The following KATNIP variants were observed in gnomAD, a reference collection of about 807,000 sequenced individuals.
KATNIP encodes katanin-interacting protein.
In KATNIP, 126 loss-of-function variants were observed where a neutral mutation model predicts 174.0. That is an observed-to-expected ratio of 0.72 (90% CI 0.63 to 0.84). The LOEUF (loss-of-function observed/expected upper bound fraction) is 0.84. Among genes scored for constraint, KATNIP ranks in the 40% least tolerant of loss-of-function variants. The pLI is 0.00. For missense variants in KATNIP, 1,958 were observed against 2,109.7 expected (o/e 0.93, Z 1.41); for synonymous variants, 810 against 835.7 (o/e 0.97, Z 0.53).
chr16:27,593,396 G>A (rs199529974), intron 2 of KATNIP, among the ~76,000 whole-genome samples: 18 of 151,518 alleles, frequency 1.2e-4, no homozygotes, highest in East Asian at 7.8e-4. Context: ...GCACCACCAC[G>A]CCCAACTAAT....
rs146588355 is a variant in KATNIP at position 27,709,390 on chromosome 16, G to T, written c.1605+470G>T. On this transcript the variant is annotated intron_variant, in intron 13 of 27. Transcript: ENST00000261588. ...TAATCCCAGCACTTTGAGAGGCCGA[G>T]GCGAGTGGATCACTTGAAGTCAGGA... Among the ~76,000 whole-genome samples, 1,018 of 151,724 alleles carry T rather than the reference G, an allele frequency of 6.7e-3. 6 individuals are homozygous for T. The highest frequency in any genetic ancestry group is 0.023 in the African/African-American group (962 of 41,360).
At chr16:27,697,024 C>T (rs1037602994) in intron 8 of KATNIP, among the ~76,000 whole-genome samples, 1 of 152,138 alleles carries the variant, frequency 6.6e-6, no homozygotes, top group Non-Finnish European at 1.5e-5. Context: ...CCACCACACC[C>T]GGCCTCCACA....
intron 2 of KATNIP, among the ~76,000 whole-genome samples, chr16:27,594,083 C>T (rs950326858): frequency 6.6e-6 from 1 of 150,692 alleles, no homozygotes; most frequent in African/African-American, 2.4e-5. Flanking sequence ...GGCAAGGCCT[C>T]GTCTGTACAA....
intron 8 of KATNIP, among the ~76,000 whole-genome samples, chr16:27,695,716 A>G (rs965025013): frequency 1.3e-5 from 2 of 152,226 alleles, no homozygotes; most frequent in African/African-American, 4.8e-5. Flanking sequence ...GTTGAGATTC[A>G]GTAGGTAAAC....
intron 12 of KATNIP, 62 bp from the exon 13 acceptor site, chr16:27,708,643 G>A: frequency 2.9e-6 from 4 of 1,371,096 alleles, no homozygotes; most frequent in Non-Finnish European, 4.1e-6. Context: ...GGTGGCAGAG[G>A]CAGAGCCGAA....
chr16:27,769,787 C>T (rs1415925552), intron 20 of KATNIP, 74 bp from the exon 21 acceptor site: 18 of 1,547,086 alleles, frequency 1.2e-5, no homozygotes, highest in East Asian at 4.5e-5. Flanking sequence ...CCAGCAGCTC[C>T]GGTCACGTCA....
intron 6 of KATNIP, among the ~76,000 whole-genome samples, chr16:27,658,347 T>G (rs1389631106): frequency 6.6e-6 from 1 of 152,194 alleles, no homozygotes; most frequent in Non-Finnish European, 1.5e-5. Flanking sequence ...AATTTGTAGA[T>G]AGGAGGTAGC....
chr16:27,615,005 G>A (rs1596936301), intron 2 of KATNIP, among the ~76,000 whole-genome samples: 1 of 152,352 alleles, frequency 6.6e-6, no homozygotes, highest in Non-Finnish European at 1.5e-5. Context: ...TGGAGACTCA[G>A]GCAGACACTG....
At chr16:27,642,521 C>A (rs932905338) in intron 5 of KATNIP, among the ~76,000 whole-genome samples, 2 of 150,660 alleles carry the variant, frequency 1.3e-5, no homozygotes, top group Non-Finnish European at 2.9e-5. Context: ...GGTAGGAAGA[C>A]CTCCAGGAAT....
intron 6 of KATNIP, chr16:27,654,850 G>T: frequency 9.9e-7 from 1 of 1,008,318 alleles, no homozygotes; most frequent in East Asian, 5.1e-5. Flanking sequence ...AAACCACAGG[G>T]CGGGCACGGT....
intron 20 of KATNIP, among the ~76,000 whole-genome samples, chr16:27,766,871 C>T (rs1159842963): frequency 6.6e-6 from 1 of 152,114 alleles, no homozygotes. Context: ...GTGATTACCC[C>T]CATTTCTTAG....
At chr16:27,702,025 C>T (rs2079121472) in intron 11 of KATNIP, among the ~76,000 whole-genome samples, 1 of 152,178 alleles carries the variant, frequency 6.6e-6, no homozygotes, top group Non-Finnish European at 1.5e-5. Context: ...CTCCTGGGCT[C>T]AAGCAGTCCA....
chr16:27,778,956 G>T lies in KATNIP; in HGVS notation c.*327G>T. 1 of 276,638 alleles carries T rather than the reference G, an allele frequency of 3.6e-6. No homozygotes were observed. 17.1% of individuals were successfully genotyped at this position (276,638 alleles called of 1,614,324 possible). A position where few individuals can be genotyped will look rare whatever the true frequency, so the allele number is the denominator to read the frequency against. On this transcript the variant is annotated 3_prime_UTR_variant, in exon 28 of 28. Transcript: ENST00000261588. ...CTGGGCTGACCCTGACTCAGAACAG[G>T]ACAATGACGGGGTGGGGAGGCATCC...
chr16:27,642,521 C>T (rs932905338), intron 5 of KATNIP, among the ~76,000 whole-genome samples: 2 of 150,660 alleles, frequency 1.3e-5, no homozygotes, highest in Non-Finnish European at 2.9e-5. Context: ...GGTAGGAAGA[C>T]CTCCAGGAAT....
chr16:27,649,908 G>T (rs976352918), intron 6 of KATNIP, among the ~76,000 whole-genome samples: 3 of 152,160 alleles, frequency 2.0e-5, no homozygotes. Flanking sequence ...AGGCGCTGTG[G>T]CTCACGCCTG....
At chr16:27,647,046 C>T (rs940334100) in intron 5 of KATNIP, among the ~76,000 whole-genome samples, 2 of 146,744 alleles carry the variant, frequency 1.4e-5, no homozygotes, top group Admixed American at 6.8e-5. Context: ...AACGGGTTCA[C>T]GCGGTTCCTC....
At chr16:27,716,475 TA>T (rs1011594381) in intron 13 of KATNIP, among the ~76,000 whole-genome samples, 115 of 145,164 alleles carry the variant, frequency 7.9e-4, no homozygotes, top group Middle Eastern at 3.5e-3. Context: ...ATATCTCAAT[TA>T]AAAAAAAAAA....
intron 1 of KATNIP, among the ~76,000 whole-genome samples, chr16:27,571,496 G>T (rs533888984): frequency 1.1e-4 from 17 of 151,754 alleles, no homozygotes; most frequent in African/African-American, 4.1e-4. Context: ...ACTTATCCAA[G>T]GTCCCATAGC....
Position 27,677,962 on chromosome 16 carries a change from C to T in KATNIP, c.774C>T (p.Thr258=), listed in dbSNP as rs765088653. The T allele has an allele frequency of 6.2e-7, 1 of 1,614,156 alleles. No homozygotes were observed. The highest frequency in any genetic ancestry group is 2.2e-5 in the East Asian group (1 of 44,882). ...TEGRSSPGPD[T]LVVLEFNPAS... ...GACGCTCTTCTCCAGGCCCAGACAC[C>T]CTCGTGGTGCTGGAATTTAACCCAG... Residue 258 remains threonine (T), a synonymous_variant, in exon 7 of 28, where the codon ACC becomes ACT. Transcript: ENST00000261588.
Sources: allele counts gnomAD v4.1 joint callset (sites outside exome capture counted in the v4.1 genomes callset), GRCh38; gene constraint gnomAD v4.1.1; transcripts MANE v1.5; gene names NCBI Gene and HGNC (gene_info 2026-07-23, HGNC 2026-07-21).